Variants in MIB2 observed in about 807,000 individuals in gnomAD.
MIB2 encodes the protein E3 ubiquitin-protein ligase MIB2.
A neutral mutation model predicts 96.6 loss-of-function variants in MIB2; 78 were observed. The observed-to-expected ratio is 0.81, with a 90% CI of 0.67 to 0.97. The LOEUF (loss-of-function observed/expected upper bound fraction) is 0.97. Ranked by LOEUF, MIB2 falls within the 50% of genes least tolerant of loss-of-function variation. The pLI, the probability that MIB2 is intolerant of heterozygous loss-of-function variation, is 0.00. For synonymous variants in MIB2, 820 were observed against 629.5 expected, an observed-to-expected ratio of 1.30 and a Z score of -4.53; for missense variants, 1,543 against 1,424.0, an observed-to-expected ratio of 1.08 and a Z score of -1.35.
chr1:1,616,496 C>G lies in MIB2; in HGVS notation c.-129-12C>G. ...GCTAACTGTGCATCTTGGCATCTCC[C>G]CTCGGCCACAGGGTTGGAAGCCCAG... On this transcript the variant is annotated splice_polypyrimidine_tract_variant and intron_variant, in intron 1 of 19. Transcript: ENST00000355826. 2 of 1,559,824 alleles carry G rather than the reference C, an allele frequency of 1.3e-6. No homozygotes were observed. Among genetic ancestry groups the G allele is most frequent in the Non-Finnish European group, 1.7e-6 (2 of 1,151,942 alleles).
At chr1:1,624,772 T>A in intron 4 of MIB2, 23 bp from the exon 5 acceptor site, 1 of 1,604,574 alleles carries the variant, frequency 6.2e-7, no homozygotes, top group Non-Finnish European at 8.5e-7. Flanking sequence ...TTCTGAGAGC[T>A]TTATTTGTGA....
At position 1,623,445 on chromosome 1, in the gene MIB2, C is replaced by T. The variant is rs371922773; in HGVS notation, c.-8C>T. 36 of 1,600,800 alleles carry T rather than the reference C, an allele frequency of 2.2e-5. 1 individual carries two copies. Among genetic ancestry groups the T allele is most frequent in the African/African-American group, 9.4e-5 (7 of 74,156 alleles). Reference sequence around the variant, plus strand: ...TCTGCCCACAGGTCCCGAGCAGCCCCGCCCAACATGGACCCAGACCCCCAG... The same window carrying T: ...TCTGCCCACAGGTCCCGAGCAGCCCTGCCCAACATGGACCCAGACCCCCAG... On this transcript the variant is annotated 5_prime_UTR_variant, in exon 3 of 20. Coordinates refer to ENST00000355826, the MANE Select transcript of MIB2 (RefSeq NM_001170687.4).
At chr1:1,628,983 C>A in intron 16 of MIB2, 150 bp from the exon 17 acceptor site, 2 of 898,424 alleles carry the variant, frequency 2.2e-6, no homozygotes, top group Non-Finnish European at 3.2e-6. Flanking sequence ...GGCGCCCCTC[C>A]TGCCTGTCCC....
chr1:1,618,049 C>G (rs549019303), intron 2 of MIB2: 1 of 152,404 alleles, frequency 6.6e-6, no homozygotes, highest in Admixed American at 6.5e-5. Context: ...CCAGGGGCTG[C>G]GTGGCCACAG....
intron 4 of MIB2, chr1:1,624,165 C>G: frequency 3.4e-6 from 2 of 590,878 alleles, no homozygotes; most frequent in South Asian, 2.3e-5. Flanking sequence ...GCCAGCATCC[C>G]CCAGGGCGGC....
At chr1:1,623,069 G>A (rs1319131085) in intron 2 of MIB2, 3 of 402,634 alleles carry the variant, frequency 7.5e-6, no homozygotes, top group South Asian at 4.6e-5. Context: ...TCTTACTTTA[G>A]TGAAGTCCAG....
upstream of MIB2, chr1:1,614,041 T>C (rs571748250): frequency 1.3e-4 from 19 of 151,968 alleles, no homozygotes; most frequent in African/African-American, 4.6e-4. Flanking sequence ...TGTGAAAATA[T>C]TAGGTAATTA....
chr1:1,615,763 G>T (rs1207797416), intron 1 of MIB2, 130 bp downstream of exon 1: 1 of 1,430,892 alleles, frequency 7.0e-7, no homozygotes, highest in East Asian at 2.9e-5. Context: ...TGGACTCGGC[G>T]TAGGGTCCGC....
In MIB2 at chr1:1,627,809, G is replaced by A. The variant is rs1328162101; in HGVS notation, c.1660G>A (p.Gly554Ser). The change falls in exon 13 of 20, where the codon GGC becomes AGC. Residue 554 changes from glycine (G) to serine (S), a missense_variant. Transcript: ENST00000355826. ...GGTGGTGCGGGCCCTGTGTGAGCGC[G>A]GCTGTGACGTCAACCTGCCCGTGAG... ...LEVVRALCER[G>S]CDVNLPDAHS... is the part of the protein sequence containing the mutation. The A allele has an allele frequency of 1.1e-5, 18 of 1,599,300 alleles. No homozygotes were observed. Among genetic ancestry groups the A allele is most frequent in the East Asian group, 2.2e-5 (1 of 44,826 alleles).
At chr1:1,628,992 C>T (rs1645091204) in intron 16 of MIB2, 141 bp from the exon 17 acceptor site, 2 of 957,634 alleles carry the variant, frequency 2.1e-6, no homozygotes, top group Admixed American at 3.6e-5. Flanking sequence ...CCTGCCTGTC[C>T]CACTTGGGTT....
chr1:1,616,197 TG>T, intron 1 of MIB2: 1 of 766,832 alleles, frequency 1.3e-6, no homozygotes, highest in Non-Finnish European at 1.6e-6. Flanking sequence ...GCGCTCCGGG[TG>T]GGGGTGCCCG....
rs370539176 is a variant in MIB2, at chr1:1,616,585, G to A, written c.-52G>A. ...GGCTGCAGCCCAGGAGCCTCAAGGC[G>A]GCCCGGCGGGCGACTGGACGGCCGG... On this transcript the variant is annotated 5_prime_UTR_variant, in exon 2 of 20. Coordinates refer to ENST00000355826, the MANE Select transcript of MIB2 (RefSeq NM_001170687.4). 19 of 1,601,006 alleles carry A rather than the reference G, an allele frequency of 1.2e-5. No individual in the cohort carries two copies. In the African/African-American group the frequency reaches 2.4e-4, roughly 20 times the overall value.
Position 1,628,364 on chromosome 1 carries a change from A to C in MIB2, c.1933A>C (p.Asn645His), listed in dbSNP as rs774574302. 6 of 1,612,410 alleles carry C rather than the reference A, an allele frequency of 3.7e-6. No individual in the cohort carries two copies. Among genetic ancestry groups the C allele is most frequent in the Admixed American group, 1.7e-5 (1 of 59,968 alleles). Reference sequence around the variant, plus strand: ...GGCGCTGCATCTGGCTGCCCTCAACAACCACCGCGAGGTGGCCCAGATCCT... The same window carrying C: ...GGCGCTGCATCTGGCTGCCCTCAACCACCACCGCGAGGTGGCCCAGATCCT... The part of the protein sequence containing the change: ...FTALHLAALN[N>H]HREVAQILIR... Residue 645 changes from asparagine to histidine, a missense_variant, in exon 15 of 20, where the codon AAC (asparagine) becomes CAC (histidine). Transcript: ENST00000355826.
chr1:1,625,416 C>T lies in MIB2; in HGVS notation c.852C>T (p.Pro284=), dbSNP rs769467131. ...AGGAAGGCCACGGCGGCTGGAACCC[C>T]AGGATGGCGGAGGTGAGCCGCCCCG... The part of the protein sequence containing the change: ...EMQEGHGGWN[P]RMAEFIGQTG... The change falls in exon 7 of 20, where the codon CCC becomes CCT. Residue 284 remains proline, a synonymous_variant. Coordinates refer to ENST00000355826, the MANE Select transcript of MIB2 (RefSeq NM_001170687.4). This position sits in a 1 kb window ranked among gnomAD's most constrained non-coding sequence, Gnocchi z 5.0. The T allele has an allele frequency of 4.4e-6, 7 of 1,574,642 alleles. No homozygotes were observed. In the South Asian group the frequency reaches 4.6e-5, roughly 10 times the overall value.
chr1:1,616,806 G>A (rs1643757836), intron 2 of MIB2, 192 bp downstream of exon 2: 1 of 533,644 alleles, frequency 1.9e-6, no homozygotes, highest in Non-Finnish European at 3.3e-6. Flanking sequence ...TGCCAGACAG[G>A]CCTCTGATAG....
Position 1,628,070 on chromosome 1 carries a change from G to A in MIB2, c.1732G>A (p.Ala578Thr). Residue 578 changes from alanine (A) to threonine (T), a missense_variant, in exon 14 of 20, where the codon GCC (alanine) becomes ACC (threonine). Transcript: ENST00000355826. Reference sequence around the variant, plus strand: ...CTCCGCCATCTCGGCGGGCACTGGAGCCAGCGGCATTGTCGAGGTCCTCAC... The same window carrying A: ...CTCCGCCATCTCGGCGGGCACTGGAACCAGCGGCATTGTCGAGGTCCTCAC... Reference protein sequence around the residue: ...LHSAISAGTGASGIVEVLTEV... With the variant: ...LHSAISAGTGTSGIVEVLTEV... 1 of 1,613,202 alleles carries A rather than the reference G, an allele frequency of 6.2e-7. No homozygotes were observed. The highest frequency in any genetic ancestry group is 8.5e-7 in the Non-Finnish European group (1 of 1,179,996).
chr1:1,628,147 G>T lies in MIB2; in HGVS notation c.1809G>T (p.Leu603=), dbSNP rs773906649. The stretch of plus-strand genomic sequence containing the variant: ...CCACCAACAGCCAGGGTTTCACCCT[G>T]CTGCACCATGCCTCCCTCAAGGGTC... ...VTATNSQGFT[L]LHHASLKGHA... Residue 603 remains leucine, a synonymous_variant, in exon 14 of 20, where the codon CTG becomes CTT. Transcript: ENST00000355826. The T allele has an allele frequency of 6.2e-7, 1 of 1,613,432 alleles. No homozygotes were observed. Among genetic ancestry groups the T allele is most frequent in the South Asian group, 1.1e-5 (1 of 91,088 alleles).
In MIB2 at chr1:1,623,766, A is replaced by C. The variant is rs370948867; in HGVS notation, c.248-8A>C. 24 of 1,569,742 alleles carry C rather than the reference A, an allele frequency of 1.5e-5. No individual in the cohort carries two copies. In the African/African-American group the frequency reaches 3.1e-4, roughly 20 times the overall value. ...GGGAACGCCCCTCTGACCCCACCCC[A>C]CCCCCAGGCGTCCGGCACCCCAACA... is the stretch of plus-strand genomic sequence containing the variant. On this transcript the variant is annotated splice_region_variant and splice_polypyrimidine_tract_variant and intron_variant, in intron 3 of 19. Transcript: ENST00000355826.
In MIB2 at chr1:1,627,161, G is replaced by A. The variant is rs763616930; in HGVS notation, c.1328G>A (p.Gly443Asp). ...PGRLVVEVAL[G>D]NAARALDLLR... ...AGGCTGGTGGTGGAGGTGGCGCTGGGTAACGCAGCCCGGGCTCTGGACCTG... is the reference window on the plus strand; with the variant it reads ...AGGCTGGTGGTGGAGGTGGCGCTGGATAACGCAGCCCGGGCTCTGGACCTG... Residue 443 changes from glycine (G) to aspartate (D), a missense_variant, in exon 11 of 20, where the codon GGT (glycine) becomes GAT (aspartate). Transcript: ENST00000355826. 14 of 1,590,918 alleles carry A rather than the reference G, an allele frequency of 8.8e-6. No individual in the cohort carries two copies. Among genetic ancestry groups the A allele is most frequent in the African/African-American group, 1.3e-5 (1 of 74,494 alleles).
Sources: gnomAD v4.1 joint callset for allele counts on GRCh38, gnomAD v4.1.1 for gene constraint, Gnocchi (gnomAD v3.1) non-coding constraint, MANE v1.5 for transcripts, NCBI Gene and HGNC (gene_info 2026-07-23, HGNC 2026-07-21) for gene names.